Variants in CEP112 observed in about 807,000 individuals in gnomAD.
CEP112 encodes centrosomal protein of 112 kDa.
A neutral mutation model predicts 153.0 loss-of-function variants in CEP112; 127 were observed. The observed-to-expected ratio is 0.83, with a 90% CI of 0.72 to 0.96. The LOEUF (loss-of-function observed/expected upper bound fraction) is 0.96, where lower values mean the gene tolerates loss of function less well. Ranked by LOEUF, CEP112 falls within the 40% of genes least tolerant of loss-of-function variation. The pLI is 0.00. For missense variants in CEP112, 1,089 were observed against 1,101.2 expected (o/e 0.99, Z 0.16); for synonymous variants, 358 against 374.4 (o/e 0.96, Z 0.51).
intron 23 of CEP112, among the ~76,000 whole-genome samples, chr17:65,739,113 A>G (rs945084768): frequency 6.6e-6 from 1 of 152,260 alleles, no homozygotes; most frequent in Non-Finnish European, 1.5e-5. Context: ...TTAATCTGTT[A>G]AAAAGGCCAT....
At chr17:65,688,261 A>C (rs766398060) in intron 24 of CEP112, 1 of 152,226 alleles carries the variant, frequency 6.6e-6, no homozygotes, top group Non-Finnish European at 1.5e-5. Context: ...AATAATATCC[A>C]TTTATTTTGA....
intron 16 of CEP112, among the ~76,000 whole-genome samples, chr17:66,023,580 T>A (rs1247944495): frequency 6.6e-6 from 1 of 152,090 alleles, no homozygotes; most frequent in Admixed American, 6.5e-5. Flanking sequence ...GTTCTAAACA[T>A]GTAAATGAAA....
chr17:65,976,671 A>G (rs2063044378), intron 17 of CEP112, among the ~76,000 whole-genome samples: 1 of 151,888 alleles, frequency 6.6e-6, no homozygotes, highest in South Asian at 2.1e-4. Flanking sequence ...AAAAAAATAC[A>G]TATTGTAATA....
At chr17:66,157,428 CA>C (rs1194356729) in intron 4 of CEP112, among the ~76,000 whole-genome samples, 1 of 152,028 alleles carries the variant, frequency 6.6e-6, no homozygotes, top group Non-Finnish European at 1.5e-5. Context: ...AAAAACATAC[CA>C]AATTATAAAA....
intron 4 of CEP112, among the ~76,000 whole-genome samples, chr17:66,159,051 A>C (rs979901659): frequency 6.6e-6 from 1 of 152,248 alleles, no homozygotes; most frequent in Admixed American, 6.5e-5. Flanking sequence ...ACAAACTATC[A>C]TCAGAGAATA....
chr17:65,851,980 C>T lies in CEP112; in HGVS notation c.2218G>A (p.Val740Met), dbSNP rs1204996307. The T allele has an allele frequency of 1.5e-5, 24 of 1,613,846 alleles. No homozygotes were observed. Among genetic ancestry groups the T allele is most frequent in the Non-Finnish European group, 1.9e-5 (23 of 1,180,000 alleles). ...VHKLREELIN[V>M]NSQRKQQLVE... Reference sequence around the variant, plus strand: ...AGCTGCTGTTTCCGCTGTGAGTTCACATTGATCAATTCTTCTCTCAACTTG... The same window carrying T: ...AGCTGCTGTTTCCGCTGTGAGTTCATATTGATCAATTCTTCTCTCAACTTG... The change falls in exon 21 of 27, where the codon GTG becomes ATG. Residue 740 changes from valine (V) to methionine (M), a missense_variant. By Grantham distance (21) the Val-to-Met change is conservative (BLOSUM62 1). Coordinates refer to ENST00000535342, the MANE Select transcript of CEP112 (RefSeq NM_001199165.4).
At chr17:65,834,958 T>C (rs1025309922) in intron 21 of CEP112, among the ~76,000 whole-genome samples, 2 of 152,054 alleles carry the variant, frequency 1.3e-5, no homozygotes, top group Non-Finnish European at 2.9e-5. Flanking sequence ...TGTTCACCAA[T>C]GACAAACTGG....
At chr17:65,654,124 A>C (rs983987929) in intron 24 of CEP112, among the ~76,000 whole-genome samples, 3 of 151,756 alleles carry the variant, frequency 2.0e-5, no homozygotes, top group Non-Finnish European at 4.4e-5. Context: ...GATGCCAAAA[A>C]AATGCTGTAG....
intron 8 of CEP112, among the ~76,000 whole-genome samples, chr17:66,075,228 G>A (rs574878060): frequency 7.6e-4 from 115 of 152,182 alleles, no homozygotes; most frequent in Non-Finnish European, 1.3e-3. Flanking sequence ...GTTTCATAAG[G>A]TATTTAGAAC....
chr17:65,853,568 A>G lies in CEP112; in HGVS notation c.2164-1534T>C, dbSNP rs371560787. On this transcript the variant is annotated intron_variant, in intron 20 of 26. Transcript: ENST00000535342. ...AGATGGTGAAACCCCGTCTCTACTG[A>G]AAATGCAAAAATTAGCTGGGCATGG... Among the ~76,000 whole-genome samples the G allele has an allele frequency of 3.1e-3, 477 of 152,178 alleles. 3 individuals carry two copies. Among genetic ancestry groups the G allele is most frequent in the African/African-American group, 0.011 (453 of 41,516 alleles).
intron 23 of CEP112, among the ~76,000 whole-genome samples, chr17:65,720,838 A>G (rs1292367271): frequency 6.6e-6 from 1 of 152,158 alleles, no homozygotes; most frequent in East Asian, 1.9e-4. Flanking sequence ...TGCAATTCCT[A>G]TGAGACAGGC....
chr17:66,057,171 G>A (rs577872412), intron 11 of CEP112, among the ~76,000 whole-genome samples: 4 of 152,310 alleles, frequency 2.6e-5, no homozygotes, highest in Non-Finnish European at 4.4e-5. Flanking sequence ...ATGGAATGAC[G>A]ACGGACAGAC....
intron 18 of CEP112, among the ~76,000 whole-genome samples, chr17:65,945,510 T>A (rs1599104011): frequency 6.6e-6 from 1 of 152,220 alleles, no homozygotes; most frequent in East Asian, 1.9e-4. Context: ...GTAGTATACA[T>A]CAGTTTCATT....
In CEP112 at chr17:66,027,332, G is replaced by A. The variant is rs991162084; in HGVS notation, c.1656+169C>T. On this transcript the variant is annotated intron_variant, in intron 16 of 26. Coordinates refer to ENST00000535342, the MANE Select transcript of CEP112 (RefSeq NM_001199165.4). ...GCAGAAGCTACAGTGAGCCGAGATC[G>A]TGCCACTGCACTCCAGCCTGGGTGA... is the stretch of plus-strand genomic sequence containing the variant. Among the ~76,000 whole-genome samples the A allele has an allele frequency of 3.3e-5, 5 of 152,050 alleles. No homozygotes were observed. In the South Asian group the frequency reaches 8.3e-4, roughly 25 times the overall value.
intron 18 of CEP112, among the ~76,000 whole-genome samples, chr17:65,939,729 C>T (rs1012745782): frequency 1.5e-4 from 23 of 152,034 alleles, no homozygotes; most frequent in African/African-American, 4.6e-4. Flanking sequence ...ACACCATATA[C>T]AAAAATATAC....
intron 20 of CEP112, among the ~76,000 whole-genome samples, chr17:65,881,293 A>T (rs996743669): frequency 2.6e-5 from 4 of 152,150 alleles, no homozygotes; most frequent in Admixed American, 6.5e-5. Flanking sequence ...AACATGGAGG[A>T]ATGCTACTTT....
chr17:65,748,612 C>T (rs2051615594), intron 22 of CEP112, among the ~76,000 whole-genome samples: 1 of 152,152 alleles, frequency 6.6e-6, no homozygotes, highest in African/African-American at 2.4e-5. Flanking sequence ...ATACTGAACA[C>T]ATTTTTGGCA....
Position 65,927,659 on chromosome 17 carries a change from A to C in CEP112, c.1903T>G (p.Ser635Ala). The C allele has an allele frequency of 6.3e-7, 1 of 1,582,510 alleles. No individual in the cohort carries two copies. The highest frequency in any genetic ancestry group is 1.4e-5 in the African/African-American group (1 of 73,694). ...MEKVEADLTR[S>A]KSLREKQSKE... Reference sequence around the variant, plus strand: ...GATTGTTTCTCACGAAGAGATTTGGATCTAGTTAGATCTGCCTCCACTTTT... The same window carrying C: ...GATTGTTTCTCACGAAGAGATTTGGCTCTAGTTAGATCTGCCTCCACTTTT... The change falls in exon 19 of 27, where the codon TCC becomes GCC. Residue 635 changes from serine to alanine, a missense_variant. By Grantham distance (99) the Ser-to-Ala change is moderately conservative. Coordinates refer to ENST00000535342, the MANE Select transcript of CEP112 (RefSeq NM_001199165.4).
At chr17:65,781,726 C>T (rs1169549578) in intron 21 of CEP112, among the ~76,000 whole-genome samples, 2 of 152,094 alleles carry the variant, frequency 1.3e-5, no homozygotes, top group Non-Finnish European at 2.9e-5. Flanking sequence ...TAATCTTCAA[C>T]AAAGTCAACC....
Sources: allele counts gnomAD v4.1 joint callset (sites outside exome capture counted in the v4.1 genomes callset), GRCh38; gene constraint gnomAD v4.1.1; transcripts MANE v1.5; gene names NCBI Gene and HGNC (gene_info 2026-07-23, HGNC 2026-07-21).